Variants in MMAA observed in about 807,000 individuals in gnomAD.
The protein encoded by MMAA is methylmalonic aciduria type A protein, mitochondrial.
MMAA carries 41 observed loss-of-function variants against 45.0 expected under a neutral mutation model. The ratio of observed to expected loss-of-function variants is 0.91; its 90% CI spans 0.71 to 1.18. MMAA has a LOEUF of 1.18. Ranked by LOEUF, MMAA falls within the 50% of genes most tolerant of loss-of-function variation. MMAA has a pLI of 0.00. For missense variants in MMAA, 460 were observed against 495.7 expected (o/e 0.93, Z 0.68); for synonymous variants, 154 against 178.2 (o/e 0.86, Z 1.08).
chr4:145,648,587 A>G (rs1009839266), intron 4 of MMAA, among the ~76,000 whole-genome samples: 1 of 152,236 alleles, frequency 6.6e-6, no homozygotes, highest in African/African-American at 2.4e-5. Flanking sequence ...TCAAAGGAGA[A>G]GAGCACCTTA....
intron 1 of MMAA, among the ~76,000 whole-genome samples, chr4:145,637,111 A>G (rs536453240): frequency 2.0e-5 from 3 of 152,220 alleles, no homozygotes; most frequent in Non-Finnish European, 1.5e-5. Context: ...TACCATTGCT[A>G]TAGTCACCAT....
intron 1 of MMAA, among the ~76,000 whole-genome samples, chr4:145,637,119 C>T (rs1484171131): frequency 6.6e-6 from 1 of 152,108 alleles, no homozygotes; most frequent in African/African-American, 2.4e-5. Flanking sequence ...CTATAGTCAC[C>T]ATTACTCTTA....
chr4:145,639,028 AT>A (rs1727699243), intron 1 of MMAA, 46 bp from the exon 2 acceptor site: 1 of 973,256 alleles, frequency 1.0e-6, no homozygotes, highest in African/African-American at 1.6e-5. Context: ...CTACTTCAGT[AT>A]TTTAGTTATA....
At position 145,642,439 on chromosome 4, in the gene MMAA, C is replaced by T. The variant is rs780564235; in HGVS notation, c.516C>T (p.His172=). ...GAAAAATGCTTACTGAGAGAGGGCA[C>T]AAATTATCTGTGCTAGCTGTGGACC... ...YFGKMLTERG[H]KLSVLAVDPS... is the part of the protein sequence containing the mutation. Residue 172 remains histidine (H), a synonymous_variant, in exon 3 of 7, where the codon CAC becomes CAT. Coordinates refer to ENST00000649156, the MANE Select transcript of MMAA (RefSeq NM_172250.3). 1 of 1,614,146 alleles carries T rather than the reference C, an allele frequency of 6.2e-7. No individual in the cohort carries two copies. Among genetic ancestry groups the T allele is most frequent in the Non-Finnish European group, 8.5e-7 (1 of 1,180,008 alleles).
At chr4:145,648,061 G>A (rs1250620000) in intron 4 of MMAA, among the ~76,000 whole-genome samples, 3 of 146,898 alleles carry the variant, frequency 2.0e-5, no homozygotes, top group Admixed American at 6.9e-5. Flanking sequence ...GGGTTTCACC[G>A]TGTTAGCCAG....
rs536614923 is a variant in MMAA at position 145,656,229 on chromosome 4, C to T, written c.*795C>T. 6.6e-6 allele frequency: 1 copy of T among 152,290 alleles called. No homozygotes were observed. The highest frequency in any genetic ancestry group is 2.4e-5 in the African/African-American group (1 of 41,548). 9.4% of individuals were successfully genotyped at this position (152,290 alleles called of 1,614,324 possible). The stretch of plus-strand genomic sequence containing the variant: ...TGCTTCTCTTCTTCCTTGGCCATTT[C>T]ACTTCATTTTAGTATTTTAAAAATC... On this transcript the variant is annotated 3_prime_UTR_variant, in exon 7 of 7. Transcript: ENST00000649156.
At chr4:145,649,540 A>G (rs1249687855) in intron 4 of MMAA, among the ~76,000 whole-genome samples, 1 of 152,220 alleles carries the variant, frequency 6.6e-6, no homozygotes, top group Non-Finnish European at 1.5e-5. Flanking sequence ...CATAAGAGGT[A>G]TAGCTGAATT....
At chr4:145,620,045 T>C (rs1734059705) in intron 1 of MMAA, among the ~76,000 whole-genome samples, 1 of 152,264 alleles carries the variant, frequency 6.6e-6, no homozygotes, top group Non-Finnish European at 1.5e-5. Context: ...TTAAGAGTTG[T>C]ACCCTAATCC....
chr4:145,655,100 T>C, intron 6 of MMAA, 47 bp from the exon 7 acceptor site: 1 of 1,610,550 alleles, frequency 6.2e-7, no homozygotes. Flanking sequence ...GTAAAAATTT[T>C]TTCTATCATT....
At chr4:145,645,891 G>C (rs968768030) in intron 3 of MMAA, 95 bp from the exon 4 acceptor site, 4 of 1,149,120 alleles carry the variant, frequency 3.5e-6, no homozygotes, top group Non-Finnish European at 3.9e-6. Flanking sequence ...TTGAGATTTA[G>C]GGAGAAATGG....
In MMAA at chr4:145,657,432, A is replaced by G. The variant is rs1306227616; in HGVS notation, c.*1998A>G. 1 of 151,906 alleles carries G rather than the reference A, an allele frequency of 6.6e-6. No individual in the cohort carries two copies. The highest frequency in any genetic ancestry group is 1.5e-5 in the Non-Finnish European group (1 of 67,984). The allele number at this position is 151,906 out of a possible 1,614,324, so 9.4% of individuals were successfully genotyped here. A position where few individuals can be genotyped will look rare whatever the true frequency, so the allele number is the denominator to read the frequency against. ...CTCTCCCCATCTGTGATTATATTGTACTGGACTTCTGACTTGGTCAAAAGC... is the reference window on the plus strand; with the variant it reads ...CTCTCCCCATCTGTGATTATATTGTGCTGGACTTCTGACTTGGTCAAAAGC... On this transcript the variant is annotated 3_prime_UTR_variant, in exon 7 of 7. Transcript: ENST00000649156.
chr4:145,638,548 A>G (rs935257011), intron 1 of MMAA, among the ~76,000 whole-genome samples: 2 of 152,114 alleles, frequency 1.3e-5, no homozygotes, highest in African/African-American at 4.8e-5. Context: ...AAGTTAGGCT[A>G]CTCTTTGCAT....
intron 1 of MMAA, chr4:145,624,979 A>G (rs1266659375): frequency 9.7e-7 from 1 of 1,036,076 alleles, no homozygotes; most frequent in East Asian, 2.4e-5. Flanking sequence ...GACAGTTGGT[A>G]CAGGAGTCAG....
At chr4:145,645,382 G>T (rs1233856913) in intron 3 of MMAA, among the ~76,000 whole-genome samples, 2 of 152,294 alleles carry the variant, frequency 1.3e-5, no homozygotes, top group African/African-American at 4.8e-5. Flanking sequence ...AGGTGGATAA[G>T]TTCTGTGTTT....
chr4:145,625,094 T>C, intron 1 of MMAA: 1 of 1,008,026 alleles, frequency 9.9e-7, no homozygotes, highest in Admixed American at 1.8e-5. Context: ...ATGGGATTCC[T>C]GGAGAGTCAC....
chr4:145,639,290 T>C lies in MMAA; in HGVS notation c.151T>C (p.Cys51Arg), dbSNP rs748557981. The C allele has an allele frequency of 3.1e-6, 5 of 1,614,064 alleles. No individual in the cohort carries two copies. The South Asian group carries it at 5.5e-5, about 18-fold the overall frequency. The change falls in exon 2 of 7, where the codon TGT becomes CGT. Residue 51 changes from cysteine (C) to arginine (R), a missense_variant. Physicochemically the swap from Cys to Arg is radical, Grantham distance 180. Coordinates refer to ENST00000649156, the MANE Select transcript of MMAA (RefSeq NM_172250.3). ...AQPFNSLGLH[C>R]TKWMLLSDGL... ...GCCGTTTAATTCTCTTGGACTCCAT[T>C]GTACAAAGTGGATGCTGCTGTCAGA...
At chr4:145,651,369 A>C (rs1277738053) in intron 5 of MMAA, among the ~76,000 whole-genome samples, 1 of 152,206 alleles carries the variant, frequency 6.6e-6, no homozygotes, top group East Asian at 1.9e-4. Context: ...ATGCAACATT[A>C]ATTTTTCCAT....
chr4:145,624,863 T>C, intron 1 of MMAA: 1 of 1,611,396 alleles, frequency 6.2e-7, no homozygotes, highest in African/African-American at 1.3e-5. Flanking sequence ...GCCAATCCTC[T>C]GTAACCATGC....
intron 1 of MMAA, among the ~76,000 whole-genome samples, chr4:145,626,447 TA>T (rs1734207788): frequency 6.6e-6 from 1 of 152,220 alleles, no homozygotes; most frequent in Non-Finnish European, 1.5e-5. Flanking sequence ...AAAAACATTT[TA>T]AAATGTGGTC....
Sources: gnomAD v4.1 joint callset for allele counts (sites outside exome capture counted in the v4.1 genomes callset) on GRCh38, gnomAD v4.1.1 for gene constraint, MANE v1.5 for transcripts, NCBI Gene and HGNC (gene_info 2026-07-23, HGNC 2026-07-21) for gene names.